Variants in HCLS1 observed in about 807,000 individuals in gnomAD.
HCLS1 encodes hematopoietic lineage cell-specific protein.
In HCLS1, 44 loss-of-function variants were observed where a neutral mutation model predicts 68.6. The observed-to-expected ratio is 0.64, with a 90% CI of 0.50 to 0.82. The LOEUF (loss-of-function observed/expected upper bound fraction) is 0.82, where lower values mean the gene tolerates loss of function less well. HCLS1 is among the 40% of genes least tolerant of loss of function. The pLI is 0.00. For missense variants in HCLS1, 602 were observed against 612.1 expected (o/e 0.98, Z 0.17); for synonymous variants, 217 against 225.8 (o/e 0.96, Z 0.35).
intron 10 of HCLS1, among the ~76,000 whole-genome samples, chr3:121,633,844 T>C (rs927558633): frequency 2.6e-5 from 4 of 152,220 alleles, no homozygotes; most frequent in African/African-American, 9.6e-5. Context: ...CATGCATGTC[T>C]TCACTGTTAC....
chr3:121,660,321 C>T (rs1214966780), intron 1 of HCLS1, among the ~76,000 whole-genome samples: 4 of 152,186 alleles, frequency 2.6e-5, no homozygotes, highest in Non-Finnish European at 4.4e-5. Context: ...CTGTGATCTA[C>T]GAACACAGAA....
chr3:121,656,669 A>G (rs966858201), intron 3 of HCLS1, among the ~76,000 whole-genome samples: 3 of 152,236 alleles, frequency 2.0e-5, no homozygotes, highest in Non-Finnish European at 4.4e-5. Flanking sequence ...CAGGTTTTCC[A>G]AGTGTTACAT....
chr3:121,656,966 T>C (rs1937887542), intron 3 of HCLS1: 1 of 256,320 alleles, frequency 3.9e-6, no homozygotes, highest in Admixed American at 5.0e-5. Context: ...CCACTTCCTC[T>C]ATGAATCTCT....
intron 6 of HCLS1, among the ~76,000 whole-genome samples, chr3:121,640,020 T>A (rs2108859908): frequency 6.6e-6 from 1 of 152,076 alleles, no homozygotes; most frequent in Non-Finnish European, 1.5e-5. Context: ...AAACTTCTAG[T>A]AAGAATAATT....
In HCLS1 at chr3:121,653,657, G is replaced by C. The variant is rs567447245; in HGVS notation, c.158+3622C>G. ...CATAAGCCTTTTTACAGCAGAGCTGGAATCAGTCCCTAGAGCTCCAGAATT... is the reference window on the plus strand; with the variant it reads ...CATAAGCCTTTTTACAGCAGAGCTGCAATCAGTCCCTAGAGCTCCAGAATT... On this transcript the variant is annotated intron_variant, in intron 3 of 13. Transcript: ENST00000314583. 8 of 152,308 alleles carry C rather than the reference G, an allele frequency of 5.3e-5. No homozygotes were observed. In the East Asian group the frequency reaches 1.5e-3, roughly 29 times the overall value. 9.4% of individuals were successfully genotyped at this position (152,308 alleles called of 1,614,324 possible).
rs994142787 is a variant in HCLS1 at position 121,657,372 on chromosome 3, G to A, written c.85-20C>T. 6 of 1,612,938 alleles carry A rather than the reference G, an allele frequency of 3.7e-6. No homozygotes were observed. The Middle Eastern group carries it at 5.0e-4, about 133-fold the overall frequency. On this transcript the variant is annotated intron_variant, in intron 2 of 13. Transcript: ENST00000314583. ...GTCATTCTGCAAACGACAGCACGCA[G>A]TAATACATGACGGCAAGAAATGTGC...
intron 6 of HCLS1, among the ~76,000 whole-genome samples, chr3:121,642,079 CAAAAA>C (rs1167544123): frequency 1.5e-5 from 1 of 64,580 alleles, no homozygotes; most frequent in Non-Finnish European, 2.9e-5. Flanking sequence ...GACTCCGTCG[CAAAAA>C]AAAAAAAAAA....
intron 3 of HCLS1, 138 bp from the exon 4 acceptor site, chr3:121,647,586 G>C (rs1311765639): frequency 1.3e-6 from 1 of 744,374 alleles, no homozygotes; most frequent in Non-Finnish European, 2.2e-6. Flanking sequence ...ACTAGTGATG[G>C]GTCTGGAAGT....
At chr3:121,638,176 G>T (rs2049167020) in intron 6 of HCLS1, among the ~76,000 whole-genome samples, 1 of 152,058 alleles carries the variant, frequency 6.6e-6, no homozygotes, top group African/African-American at 2.4e-5. Flanking sequence ...CTGGGGTCAA[G>T]CAATCCTCCT....
chr3:121,658,212 C>A, intron 2 of HCLS1, 52 bp downstream of exon 2: 1 of 1,300,278 alleles, frequency 7.7e-7, no homozygotes. Context: ...GCCCAGATGC[C>A]CTCCTCACCC....
intron 4 of HCLS1, 102 bp downstream of exon 4, chr3:121,647,217 A>T: frequency 8.6e-7 from 1 of 1,166,294 alleles, no homozygotes; most frequent in South Asian, 1.3e-5. Flanking sequence ...TCCTAACCTC[A>T]TGATCCACCC....
chr3:121,658,202 G>T (rs1323190824), intron 2 of HCLS1, 62 bp downstream of exon 2: 5 of 1,204,346 alleles, frequency 4.2e-6, no homozygotes, highest in Non-Finnish European at 6.2e-6. Flanking sequence ...TCACAGAGTG[G>T]CCCAGATGCC....
At position 121,633,111 on chromosome 3, in the gene HCLS1, C is replaced by T. The variant is rs756389789; in HGVS notation, c.964G>A (p.Glu322Lys). Residue 322 changes from glutamate to lysine, a missense_variant, in exon 11 of 14, where the codon GAA becomes AAA. Coordinates refer to ENST00000314583, the MANE Select transcript of HCLS1 (RefSeq NM_005335.6). ...SESEPVRTSR[E>K]HPVPLLPIRQ... ...ATGGGCAGCAAGGGCACTGGGTGTT[C>T]CCTGCTGGTTCTCACAGGCTCAGAC... 20 of 1,613,376 alleles carry T rather than the reference C, an allele frequency of 1.2e-5. No homozygotes were observed. Among genetic ancestry groups the T allele is most frequent in the East Asian group, 2.2e-5 (1 of 44,868 alleles).
At chr3:121,660,326 A>G (rs1244403939) in intron 1 of HCLS1, among the ~76,000 whole-genome samples, 2 of 152,220 alleles carry the variant, frequency 1.3e-5, no homozygotes, top group Admixed American at 1.3e-4. Flanking sequence ...ATCTACGAAC[A>G]CAGAAACTAG....
rs1000798200 is a variant in HCLS1 at position 121,633,321 on chromosome 3, T to A, written c.904-150A>T. On this transcript the variant is annotated intron_variant, in intron 10 of 13. Transcript: ENST00000314583. ...ACCTCCGCCTCCCAGGTTCAAGCGA[T>A]TCTCCTGCCTCAGCCCCCTGAGTAG... 12 of 581,480 alleles carry A rather than the reference T, an allele frequency of 2.1e-5. No individual in the cohort carries two copies. The Admixed American group carries it at 3.0e-4, about 14-fold the overall frequency. 36.0% of individuals were successfully genotyped at this position (581,480 alleles called of 1,614,324 possible).
In HCLS1 at chr3:121,631,606, T is replaced by A. The variant is rs1490359102; in HGVS notation, c.*240A>T. On this transcript the variant is annotated 3_prime_UTR_variant, in exon 14 of 14. Transcript: ENST00000314583. ...CTTGGGGTGGCAGAGAGGTGTTCATTGGGAAGGAGTCAGGAACACAAGAGA... is the reference window on the plus strand; with the variant it reads ...CTTGGGGTGGCAGAGAGGTGTTCATAGGGAAGGAGTCAGGAACACAAGAGA... 13 of 481,008 alleles carry A rather than the reference T, an allele frequency of 2.7e-5. No individual in the cohort carries two copies. Among genetic ancestry groups the A allele is most frequent in the Non-Finnish European group, 4.1e-5 (11 of 267,812 alleles). The allele number at this position is 481,008 out of a possible 1,614,324, so 29.8% of individuals were successfully genotyped here.
At position 121,635,817 on chromosome 3, in the gene HCLS1, G is replaced by A. The variant is rs773843483; in HGVS notation, c.622-13C>T. ...AGCCGACAGCGCTCTGCAGGCAGGAGAACAGCATGTGTGTTGCGGGAGAGG... is the reference window on the plus strand; with the variant it reads ...AGCCGACAGCGCTCTGCAGGCAGGAAAACAGCATGTGTGTTGCGGGAGAGG... On this transcript the variant is annotated splice_polypyrimidine_tract_variant and intron_variant, in intron 8 of 13. Coordinates refer to ENST00000314583, the MANE Select transcript of HCLS1 (RefSeq NM_005335.6). 1.2e-6 allele frequency: 2 copies of A among 1,612,848 alleles called. No homozygotes were observed. Among genetic ancestry groups the A allele is most frequent in the South Asian group, 1.1e-5 (1 of 91,066 alleles).
intron 10 of HCLS1, 57 bp from the exon 11 acceptor site, chr3:121,633,228 T>TG (rs1257193895): frequency 1.7e-6 from 2 of 1,154,680 alleles, no homozygotes; most frequent in African/African-American, 3.1e-5. Context: ...CTCCTTTTTT[T>TG]TTTTTGAGAT....
intron 9 of HCLS1, among the ~76,000 whole-genome samples, chr3:121,635,488 A>T (rs954404591): frequency 3.3e-5 from 5 of 151,774 alleles, no homozygotes; most frequent in Non-Finnish European, 1.5e-5. Context: ...ATGTTGTCCA[A>T]GCTGTTCTTA....
Sources: gnomAD v4.1 joint callset for allele counts (sites outside exome capture counted in the v4.1 genomes callset) on GRCh38, gnomAD v4.1.1 for gene constraint, MANE v1.5 for transcripts, NCBI Gene and HGNC (gene_info 2026-07-23, HGNC 2026-07-21) for gene names.